The following PDZD2 variants were observed in gnomAD, a reference collection of about 807,000 sequenced individuals.
PDZD2 encodes the protein PDZ domain containing 2.
PDZD2 carries 90 observed loss-of-function variants against 220.7 expected under a neutral mutation model. The observed-to-expected ratio is 0.41, with a 90% CI of 0.34 to 0.49. The LOEUF (loss-of-function observed/expected upper bound fraction) is 0.49, where lower values mean the gene tolerates loss of function less well. PDZD2 is among the 20% of genes least tolerant of loss of function. The pLI is 0.28. For missense variants in PDZD2, 3,174 were observed against 3,608.5 expected (o/e 0.88, Z 3.08); for synonymous variants, 1,375 against 1,450.5 (o/e 0.95, Z 1.18).
chr5:31,691,727 A>T (rs1747143194), intron 1 of PDZD2, among the ~76,000 whole-genome samples: 1 of 152,184 alleles, frequency 6.6e-6, no homozygotes, highest in South Asian at 2.1e-4. Context: ...GATTAGCTAG[A>T]TACAGAGTGT....
intron 6 of PDZD2, among the ~76,000 whole-genome samples, chr5:32,021,193 A>C (rs1323062709): frequency 6.6e-6 from 1 of 152,020 alleles, no homozygotes; most frequent in Non-Finnish European, 1.5e-5. Context: ...AATTTCACAA[A>C]GAAATGGAGC....
In PDZD2 at chr5:32,108,082, G is replaced by A. The variant is rs1236137556; in HGVS notation, c.8467G>A (p.Val2823Ile). The change falls in exon 25 of 25, where the codon GTC (valine) becomes ATC (isoleucine). Residue 2823 changes from valine (V) to isoleucine (I), a missense_variant. Physicochemically the swap from Val to Ile is conservative, Grantham distance 29. This residue lies in a region of PDZD2 where 631 missense variants were observed against 789.9 expected (regional missense o/e 0.80). Transcript: ENST00000438447. ...TGATGCCTGGAATATTATGAAGTCT[G>A]TCCCAGAAGGACCTGTGCAGTTATT... ...HFDAWNIMKS[V>I]PEGPVQLLIR... The A allele has an allele frequency of 1.2e-6, 2 of 1,611,554 alleles. No homozygotes were observed. The highest frequency in any genetic ancestry group is 1.7e-6 in the Non-Finnish European group (2 of 1,177,734).
chr5:31,770,035 C>T (rs776889356), intron 1 of PDZD2, among the ~76,000 whole-genome samples: 5 of 152,126 alleles, frequency 3.3e-5, no homozygotes, highest in East Asian at 1.9e-4. Context: ...TCTTCTTTTC[C>T]GAAAGATGAA....
chr5:31,999,535 AC>A (rs1193788193), intron 4 of PDZD2, among the ~76,000 whole-genome samples: 1 of 152,110 alleles, frequency 6.6e-6, no homozygotes, highest in African/African-American at 2.4e-5. Flanking sequence ...ACACAAAAAA[AC>A]ATACTTTAAA....
At chr5:31,821,749 TAC>T (rs972650347) in intron 2 of PDZD2, among the ~76,000 whole-genome samples, 11 of 152,098 alleles carry the variant, frequency 7.2e-5, no homozygotes, top group African/African-American at 2.4e-4. Flanking sequence ...TACATAGGTA[TAC>T]ATGTGTCATT....
chr5:31,918,873 G>T (rs1743914006), intron 2 of PDZD2, among the ~76,000 whole-genome samples: 1 of 152,090 alleles, frequency 6.6e-6, no homozygotes, highest in South Asian at 2.1e-4. Context: ...GGTGGCATGT[G>T]GTTCCTGGCT....
At chr5:31,833,478 GAA>G (rs869118030) in intron 2 of PDZD2, among the ~76,000 whole-genome samples, 47 of 2,058 alleles carry the variant, frequency 0.023, no homozygotes, top group African/African-American at 0.11. Context: ...AAAAAAAAAA[GAA>G]AAAAAAAAAA....
chr5:31,864,174 C>T (rs772378280), intron 2 of PDZD2, among the ~76,000 whole-genome samples: 1 of 152,186 alleles, frequency 6.6e-6, no homozygotes, highest in Non-Finnish European at 1.5e-5. Flanking sequence ...GGGCTTCTGA[C>T]GATGGCTGAT....
chr5:32,031,687 C>G (rs1755129610), intron 6 of PDZD2, among the ~76,000 whole-genome samples: 1 of 100,042 alleles, frequency 1.0e-5, no homozygotes, highest in Non-Finnish European at 2.4e-5. Flanking sequence ...ACCCTGAGAC[C>G]TGGGGGGAGA....
At chr5:31,804,810 G>A (rs193044831) in intron 2 of PDZD2, among the ~76,000 whole-genome samples, 2 of 152,324 alleles carry the variant, frequency 1.3e-5, no homozygotes, top group East Asian at 3.9e-4. Flanking sequence ...AGACACCAGG[G>A]AAGAAAATGA....
chr5:32,098,105 A>G lies in PDZD2; in HGVS notation c.7948-259A>G, dbSNP rs72743810. Among the ~76,000 whole-genome samples, 13,880 of 152,114 alleles carry G rather than the reference A, an allele frequency of 0.091. 801 individuals are homozygous for G. The highest frequency in any genetic ancestry group is 0.23 in the East Asian group (1,203 of 5,168). ...CCTGTCCGTCTCTCCTAACAATACAAAAATTAACTTGGCATAGTGGTGTGT... is the reference window on the plus strand; with the variant it reads ...CCTGTCCGTCTCTCCTAACAATACAGAAATTAACTTGGCATAGTGGTGTGT... On this transcript the variant is annotated intron_variant, in intron 22 of 24. Coordinates refer to ENST00000438447, the MANE Select transcript of PDZD2 (RefSeq NM_178140.4). This position sits in a 1 kb window ranked among gnomAD's most constrained non-coding sequence, Gnocchi z 4.1.
rs764547319 is a variant in PDZD2 at position 32,089,262 on chromosome 5, C to T, written c.5814C>T (p.Ala1938=). The T allele has an allele frequency of 5.6e-6, 9 of 1,614,162 alleles. No individual in the cohort carries two copies. Among genetic ancestry groups the T allele is most frequent in the Admixed American group, 1.7e-5 (1 of 60,020 alleles). ...CAGTGTCACAGCGGCTCCATGTAGC[C>T]GACCACGAGGACCCTGACAGAAACA... is the stretch of plus-strand genomic sequence containing the variant. ...SKAVSQRLHV[A]DHEDPDRNTT... The change falls in exon 20 of 25, where the codon GCC becomes GCT. Residue 1938 remains alanine (A), a synonymous_variant. Coordinates refer to ENST00000438447, the MANE Select transcript of PDZD2 (RefSeq NM_178140.4).
At chr5:32,072,999 A>G (rs938195543) in intron 17 of PDZD2, among the ~76,000 whole-genome samples, 12 of 148,722 alleles carry the variant, frequency 8.1e-5, no homozygotes, top group Admixed American at 4.7e-4. Context: ...AGAACTCATA[A>G]GAGACATATT....
chr5:31,938,928 A>T (rs1745992046), intron 2 of PDZD2, among the ~76,000 whole-genome samples: 2 of 152,132 alleles, frequency 1.3e-5, no homozygotes, highest in African/African-American at 2.4e-5. Context: ...CATCTTGTGT[A>T]AGTAGCTTTT....
chr5:31,672,413 G>A (rs1270541877), intron 1 of PDZD2, among the ~76,000 whole-genome samples: 1 of 152,210 alleles, frequency 6.6e-6, no homozygotes, highest in African/African-American at 2.4e-5. Context: ...ACCTGCCAGT[G>A]TGGGATTTGG....
At chr5:31,793,080 C>T (rs1412439281) in intron 1 of PDZD2, among the ~76,000 whole-genome samples, 1 of 152,004 alleles carries the variant, frequency 6.6e-6, no homozygotes, top group East Asian at 1.9e-4. Context: ...TCAGGTGATC[C>T]GCCCACCTTG....
At position 32,098,778 on chromosome 5, in the gene PDZD2, G is replaced by A. The variant is rs1743973430; in HGVS notation, c.8218+144G>A. ...GCGAAGTCTAGTGTGTTTGGATGCT[G>A]CTTACAAAAGCAGTGTTACAAATAA... On this transcript the variant is annotated intron_variant, in intron 23 of 24. Transcript: ENST00000438447. This position sits in a 1 kb window ranked among gnomAD's most constrained non-coding sequence, Gnocchi z 4.1. 6.8e-6 allele frequency: 5 copies of A among 736,226 alleles called. No individual in the cohort carries two copies. The highest frequency in any genetic ancestry group is 6.0e-5 in the South Asian group (3 of 50,236). 45.6% of individuals were successfully genotyped at this position (736,226 alleles called of 1,614,324 possible). A position where few individuals can be genotyped will look rare whatever the true frequency, so the allele number is the denominator to read the frequency against.
In PDZD2 at chr5:32,089,607, T is replaced by G. The variant is rs1314257661; in HGVS notation, c.6159T>G (p.Ser2053Arg). The G allele has an allele frequency of 6.2e-7, 1 of 1,612,562 alleles. No homozygotes were observed. The highest frequency in any genetic ancestry group is 8.5e-7 in the Non-Finnish European group (1 of 1,179,870). Residue 2053 changes from serine to arginine, a missense_variant, in exon 20 of 25, where the codon AGT (serine) becomes AGG (arginine). By Grantham distance (110) the Ser-to-Arg change is moderately radical. Coordinates refer to ENST00000438447, the MANE Select transcript of PDZD2 (RefSeq NM_178140.4). ...TGTCCGTGGCAGGGAACAGACAGAG[T>G]GAGCCGCGCCTGGCCAGCCATGTGG... ...NGMSVAGNRQSEPRLASHVAA... is the reference protein window; with the variant it reads ...NGMSVAGNRQREPRLASHVAA...
intron 2 of PDZD2, among the ~76,000 whole-genome samples, chr5:31,902,082 G>C (rs183165704): frequency 6.6e-6 from 1 of 152,150 alleles, no homozygotes; most frequent in African/African-American, 2.4e-5. Flanking sequence ...TAATGTTTTC[G>C]TTTCTCATGG....
Sources: allele counts gnomAD v4.1 joint callset (sites outside exome capture counted in the v4.1 genomes callset), GRCh38; gene constraint gnomAD v4.1.1; regional missense constraint gnomAD v4.1.1; non-coding constraint Gnocchi (gnomAD v3.1); transcripts MANE v1.5; gene names NCBI Gene and HGNC (gene_info 2026-07-23, HGNC 2026-07-21).